BAG3: variants seen among roughly 807,000 people sequenced by gnomAD.
BAG3 encodes BAG cochaperone 3.
In BAG3, 14 loss-of-function variants were observed where a neutral mutation model predicts 40.5. The observed-to-expected ratio is 0.35, with a 90% CI of 0.23 to 0.54. BAG3 has a LOEUF of 0.54. Ranked by LOEUF, BAG3 falls within the 20% of genes least tolerant of loss-of-function variation. The pLI is 0.91. For missense variants in BAG3, 788 were observed against 758.6 expected (o/e 1.04, Z -0.46); for synonymous variants, 302 against 307.8 (o/e 0.98, Z 0.20).
rs554147128 is a variant in BAG3 at position 119,676,471 on chromosome 10, T to C, written c.917T>C (p.Met306Thr). Reference sequence around the variant, plus strand: ...TTTGTGTCCTTTTTTCAGCAGCCCATGACCCATCGAGAAACTGCACCTGTT... The same window carrying C: ...TTTGTGTCCTTTTTTCAGCAGCCCACGACCCATCGAGAAACTGCACCTGTT... ...HTVVDRPQQP[M>T]THRETAPVSQ... The change falls in exon 4 of 4, where the codon ATG becomes ACG. Residue 306 changes from methionine (M) to threonine (T), a missense_variant. Physicochemically the swap from Met to Thr is moderately conservative, Grantham distance 81 (BLOSUM62 -1). Transcript: ENST00000369085. The C allele has an allele frequency of 1.7e-5, 27 of 1,614,076 alleles. No individual in the cohort carries two copies. In the South Asian group the frequency reaches 2.5e-4, roughly 15 times the overall value.
chr10:119,652,394 C>T (rs1039225111), intron 1 of BAG3, among the ~76,000 whole-genome samples: 11 of 152,254 alleles, frequency 7.2e-5, no homozygotes, highest in Non-Finnish European at 1.5e-4. Context: ...TGGCTACTGT[C>T]CCATGTTAGG....
chr10:119,672,172 G>A lies in BAG3; in HGVS notation c.508-83G>A. The A allele has an allele frequency of 2.6e-6, 4 of 1,557,204 alleles. No homozygotes were observed. In the South Asian group the frequency reaches 4.5e-5, roughly 17 times the overall value. On this transcript the variant is annotated intron_variant, in intron 2 of 3. Coordinates refer to ENST00000369085, the MANE Select transcript of BAG3 (RefSeq NM_004281.4). This position sits in a 1 kb window ranked among gnomAD's most constrained non-coding sequence, Gnocchi z 4.8. ...TTACAATATGGATTGCCCTGAGGAG[G>A]TGCACAGCAGAAGGCGTGGTCAGGA...
At chr10:119,660,647 A>G (rs1044104542) in intron 1 of BAG3, among the ~76,000 whole-genome samples, 6 of 151,986 alleles carry the variant, frequency 3.9e-5, no homozygotes, top group Admixed American at 3.9e-4. Context: ...GGAGTTCGAG[A>G]GCAGCCTGGG....
Position 119,672,414 on chromosome 10 carries a change from C to G in BAG3, c.667C>G (p.Pro223Ala). 6.2e-7 allele frequency: 1 copy of G among 1,614,182 alleles called. No individual in the cohort carries two copies. The highest frequency in any genetic ancestry group is 8.5e-7 in the Non-Finnish European group (1 of 1,180,036). Residue 223 changes from proline to alanine, a missense_variant, in exon 3 of 4, where the codon CCC becomes GCC. Pro to Ala is a conservative substitution (Grantham distance 27, BLOSUM62 -1). Transcript: ENST00000369085. The surrounding 1 kb of genome is among the most constrained non-coding windows in gnomAD (Gnocchi z 4.8). ...GAACGTTACCCGGCCAGCAGCCCAG[C>G]CCTCCTTCCACCAAGCCCAGAAGAC... ...EQNVTRPAAQPSFHQAQKTHY... is the reference protein window; with the variant it reads ...EQNVTRPAAQASFHQAQKTHY...
intron 1 of BAG3, among the ~76,000 whole-genome samples, chr10:119,654,789 CAG>C (rs1375701048): frequency 1.4e-4 from 22 of 152,336 alleles, no homozygotes; most frequent in Admixed American, 1.3e-4. Flanking sequence ...CCTGAATAAA[CAG>C]AGGCCGGATG....
At chr10:119,654,017 C>CT (rs1236318526) in intron 1 of BAG3, among the ~76,000 whole-genome samples, 1 of 152,164 alleles carries the variant, frequency 6.6e-6, no homozygotes, top group Non-Finnish European at 1.5e-5. Flanking sequence ...AAGTGAATGA[C>CT]TTGAGACTTG....
At chr10:119,657,316 C>G (rs1306340623) in intron 1 of BAG3, 5 of 331,046 alleles carry the variant, frequency 1.5e-5, no homozygotes, top group Admixed American at 8.0e-5. Flanking sequence ...AGCAGGCTGT[C>G]TCTCTTCTGG....
rs765852720 is a variant in BAG3 at position 119,676,594 on chromosome 10, A to T, written c.1040A>T (p.Asp347Val). The T allele has an allele frequency of 6.2e-7, 1 of 1,614,108 alleles. No individual in the cohort carries two copies. Among genetic ancestry groups the T allele is most frequent in the Non-Finnish European group, 8.5e-7 (1 of 1,180,028 alleles). Residue 347 changes from aspartate (D) to valine (V), a missense_variant, in exon 4 of 4, where the codon GAT becomes GTT. Transcript: ENST00000369085. ...ATTCAAGTGATCCGCAAAGAGGTGG[A>T]TTCTAAACCTGTTTCCCAGAAGCCC... ...IPIQVIRKEV[D>V]SKPVSQKPPP...
intron 1 of BAG3, among the ~76,000 whole-genome samples, chr10:119,665,092 T>TTGTGTGTGTGTG (rs1554876557): frequency 2.3e-5 from 2 of 87,960 alleles, no homozygotes; most frequent in South Asian, 3.7e-4. Flanking sequence ...TAATTTTTGT[T>TTGTGTGTGTGTG]TGTGTGTGTG....
chr10:119,654,693 T>C (rs148789629), intron 1 of BAG3, among the ~76,000 whole-genome samples: 315 of 152,348 alleles, frequency 2.1e-3, no homozygotes, highest in Non-Finnish European at 3.2e-3. Context: ...GGCTTCCCAC[T>C]AATTTGGCAA....
intron 1 of BAG3, among the ~76,000 whole-genome samples, chr10:119,655,995 G>C (rs1846904531): frequency 6.6e-6 from 1 of 152,052 alleles, no homozygotes; most frequent in Non-Finnish European, 1.5e-5. Context: ...GCTTAGTGCT[G>C]TCCTCGTTTC....
rs533325301 is a variant in BAG3 at position 119,671,941 on chromosome 10, G to A, written c.508-314G>A. Among the ~76,000 whole-genome samples, 8 of 152,094 alleles carry A rather than the reference G, an allele frequency of 5.3e-5. No individual in the cohort carries two copies. In the South Asian group the frequency reaches 8.3e-4, roughly 16 times the overall value. On this transcript the variant is annotated intron_variant, in intron 2 of 3. Coordinates refer to ENST00000369085, the MANE Select transcript of BAG3 (RefSeq NM_004281.4). ...GTAGCTGGCACTACAGGCATGCGCCGCCACACCCAGCTAATTTTTGTATTT... is the reference window on the plus strand; with the variant it reads ...GTAGCTGGCACTACAGGCATGCGCCACCACACCCAGCTAATTTTTGTATTT...
At chr10:119,668,973 C>A (rs1218524168) in intron 1 of BAG3, among the ~76,000 whole-genome samples, 1 of 152,120 alleles carries the variant, frequency 6.6e-6, no homozygotes, top group Non-Finnish European at 1.5e-5. Context: ...GAGGAAACAT[C>A]AGGGCTAAGG....
At chr10:119,666,348 A>G (rs1847066825) in intron 1 of BAG3, among the ~76,000 whole-genome samples, 1 of 148,786 alleles carries the variant, frequency 6.7e-6, no homozygotes, top group African/African-American at 2.5e-5. Context: ...GCTTCCCACC[A>G]CTCTTCTGAC....
At position 119,651,776 on chromosome 10, in the gene BAG3, C is replaced by T. The variant is rs1387616851; in HGVS notation, c.101C>T (p.Thr34Ile). The T allele has an allele frequency of 6.2e-7, 1 of 1,600,464 alleles. No homozygotes were observed. The highest frequency in any genetic ancestry group is 1.4e-5 in the African/African-American group (1 of 73,818). ...PGWEIKIDPQTGWPFFVDHNS... is the reference protein window; with the variant it reads ...PGWEIKIDPQIGWPFFVDHNS... ...TGGGAGATCAAGATCGACCCGCAGACCGGCTGGCCCTTCTTCGTGGACCAC... is the reference window on the plus strand; with the variant it reads ...TGGGAGATCAAGATCGACCCGCAGATCGGCTGGCCCTTCTTCGTGGACCAC... Residue 34 changes from threonine to isoleucine, a missense_variant, in exon 1 of 4, where the codon ACC (threonine) becomes ATC (isoleucine). Coordinates refer to ENST00000369085, the MANE Select transcript of BAG3 (RefSeq NM_004281.4).
chr10:119,659,588 G>T (rs1439582395), intron 1 of BAG3, among the ~76,000 whole-genome samples: 1 of 151,998 alleles, frequency 6.6e-6, no homozygotes, highest in Non-Finnish European at 1.5e-5. Flanking sequence ...CCGGGACTCA[G>T]GGGTCTCACC....
rs1234095219 is a variant in BAG3, at chr10:119,665,120, GTGTGTGTATA to G, written c.181-4729_181-4720del. 5.3e-5 allele frequency among the ~76,000 whole-genome samples: 4 copies of G among 75,776 alleles called. No homozygotes were observed. The South Asian group carries it at 1.4e-3, about 26-fold the overall frequency. 49.7% of individuals were successfully genotyped at this position (75,776 alleles called of 152,430 possible). On this transcript the variant is annotated intron_variant, in intron 1 of 3. Transcript: ENST00000369085. Reference sequence around the variant, plus strand: ...TGTGTGTGTGTGTGTGTGTGTGTGTGTGTGTGTATATATATATATATATATTTTTTTTTTT... The same window carrying G: ...TGTGTGTGTGTGTGTGTGTGTGTGTGTATATATATATATATTTTTTTTTTT...
intron 2 of BAG3, among the ~76,000 whole-genome samples, chr10:119,671,725 A>G (rs1481513753): frequency 6.6e-6 from 1 of 152,160 alleles, no homozygotes; most frequent in Non-Finnish European, 1.5e-5. Flanking sequence ...GAATTTGAAC[A>G]TAGGCCCCTT....
At chr10:119,675,806 C>CCCT (rs1847215830) in intron 3 of BAG3, among the ~76,000 whole-genome samples, 5 of 76,056 alleles carry the variant, frequency 6.6e-5, no homozygotes, top group African/African-American at 2.5e-4. Flanking sequence ...TTCCCCTTCC[C>CCCT]CCCTTCCCTG....
Sources: gnomAD v4.1 joint callset for allele counts (sites outside exome capture counted in the v4.1 genomes callset) on GRCh38, gnomAD v4.1.1 for gene constraint, Gnocchi (gnomAD v3.1) non-coding constraint, MANE v1.5 for transcripts, NCBI Gene and HGNC (gene_info 2026-07-23, HGNC 2026-07-21) for gene names.